The following KIDINS220 variants were observed in gnomAD, a reference collection of about 807,000 sequenced individuals.
KIDINS220 encodes the protein kinase D-interacting substrate of 220 kDa.
Under a neutral mutation model 157.6 loss-of-function variants are expected in KIDINS220, and 63 were observed. That is an observed-to-expected ratio of 0.40 (90% CI 0.33 to 0.49). The LOEUF (loss-of-function observed/expected upper bound fraction) is 0.49. Ranked by LOEUF, KIDINS220 falls within the 20% of genes least tolerant of loss-of-function variation. KIDINS220 has a pLI of 0.66. For missense variants in KIDINS220, 1,772 were observed against 2,171.2 expected (o/e 0.82, Z 3.65); for synonymous variants, 732 against 783.6 (o/e 0.93, Z 1.10).
At position 8,815,396 on chromosome 2, in the gene KIDINS220, C is replaced by CAA. The variant is rs70946387; in HGVS notation, c.307-2063_307-2062dup. Among the ~76,000 whole-genome samples, 249 of 116,614 alleles carry CAA rather than the reference C, an allele frequency of 2.1e-3. 2 individuals are homozygous for CAA. In the Middle Eastern group the frequency reaches 0.029, roughly 13 times the overall value. 76.5% of individuals were successfully genotyped at this position (116,614 alleles called of 152,430 possible). On this transcript the variant is annotated intron_variant, in intron 4 of 29. Coordinates refer to ENST00000256707, the MANE Select transcript of KIDINS220 (RefSeq NM_020738.4). ...AGCCTGGGTGACAGAGACCCTGTCT[C>CAA]AAAAAAAAAAAAAGAAAAAGAAAAA... is the stretch of plus-strand genomic sequence containing the variant.
rs190128321 is a variant in KIDINS220, at chr2:8,764,936, A to G, written c.3011+5734T>C. ...CAAATATTAAAGAAATAGCAATGCA[A>G]ATATGTATAAGAAGGTAACTATGGC... is the stretch of plus-strand genomic sequence containing the variant. On this transcript the variant is annotated intron_variant, in intron 22 of 29. Transcript: ENST00000256707. Among the ~76,000 whole-genome samples the G allele has an allele frequency of 3.7e-3, 570 of 152,348 alleles. 2 individuals carry two copies. The highest frequency in any genetic ancestry group is 0.01 in the Middle Eastern group (3 of 294).
chr2:8,749,544 T>A (rs1238631751), intron 24 of KIDINS220: 1 of 359,896 alleles, frequency 2.8e-6, no homozygotes, highest in Non-Finnish European at 5.5e-6. Context: ...TGGGAAATTA[T>A]CCTATTTATA....
At chr2:8,747,793 C>A in intron 25 of KIDINS220, 94 bp downstream of exon 25, 1 of 595,428 alleles carries the variant, frequency 1.7e-6, no homozygotes, top group Non-Finnish European at 2.7e-6. Context: ...AAATCAGTTG[C>A]ACTCTTTTAC....
intron 8 of KIDINS220, 82 bp downstream of exon 8, chr2:8,802,848 G>A: frequency 9.3e-7 from 1 of 1,072,266 alleles, no homozygotes; most frequent in Admixed American, 2.5e-5. Context: ...TCATGCATGA[G>A]AATCTTGAAA....
At position 8,728,957 on chromosome 2, in the gene KIDINS220, ATC is replaced by A; in HGVS notation, c.*1761_*1762del. ...CATGCAATTTTTTATTGTTTTCTAAATCTATTTGTACACTTAATATGCTAGTA... is the reference window on the plus strand; with the variant it reads ...CATGCAATTTTTTATTGTTTTCTAAATATTTGTACACTTAATATGCTAGTA... On this transcript the variant is annotated 3_prime_UTR_variant, in exon 30 of 30. Coordinates refer to ENST00000256707, the MANE Select transcript of KIDINS220 (RefSeq NM_020738.4). 1 of 978,576 alleles carries A rather than the reference ATC, an allele frequency of 1.0e-6. No individual in the cohort carries two copies. Among genetic ancestry groups the A allele is most frequent in the Non-Finnish European group, 1.2e-6 (1 of 823,210 alleles). 60.6% of individuals were successfully genotyped at this position (978,576 alleles called of 1,614,324 possible). A position where few individuals can be genotyped will look rare whatever the true frequency, so the allele number is the denominator to read the frequency against.
At chr2:8,811,901 G>A (rs950816139) in intron 6 of KIDINS220, among the ~76,000 whole-genome samples, 11 of 152,240 alleles carry the variant, frequency 7.2e-5, no homozygotes, top group East Asian at 1.9e-4. Flanking sequence ...GCCCTGGACC[G>A]TGGGTCATTC....
At chr2:8,801,945 T>C (rs778342368) in intron 8 of KIDINS220, among the ~76,000 whole-genome samples, 3 of 152,140 alleles carry the variant, frequency 2.0e-5, no homozygotes, top group Admixed American at 6.5e-5. Flanking sequence ...ATTAAGTAGT[T>C]GAAGACCTTC....
intron 1 of KIDINS220, among the ~76,000 whole-genome samples, chr2:8,834,206 A>G (rs905355467): frequency 5.9e-5 from 9 of 151,982 alleles, no homozygotes; most frequent in Admixed American, 2.6e-4. Context: ...GTCCTCCTGA[A>G]TCGTGTCTTC....
intron 22 of KIDINS220, among the ~76,000 whole-genome samples, chr2:8,765,971 G>A (rs970399445): frequency 1.3e-4 from 19 of 151,818 alleles, no homozygotes; most frequent in South Asian, 2.1e-4. Context: ...CCTTCCCACC[G>A]TGAGAGTCTC....
At chr2:8,826,837 T>G in intron 2 of KIDINS220, 149 bp downstream of exon 2, 1 of 387,306 alleles carries the variant, frequency 2.6e-6, no homozygotes, top group Non-Finnish European at 4.6e-6. Context: ...AAATTTGAAG[T>G]ACTTTTAACT....
chr2:8,759,561 T>C (rs1668480833), intron 22 of KIDINS220, among the ~76,000 whole-genome samples: 1 of 148,802 alleles, frequency 6.7e-6, no homozygotes, highest in African/African-American at 2.5e-5. Flanking sequence ...GCTTTAAGGC[T>C]GCAATTCTGG....
intron 14 of KIDINS220, among the ~76,000 whole-genome samples, chr2:8,789,249 A>T (rs1180582406): frequency 6.6e-6 from 1 of 151,802 alleles, no homozygotes; most frequent in Non-Finnish European, 1.5e-5. Context: ...GAGCATACCA[A>T]TGATGGCTTT....
At chr2:8,823,524 T>G (rs1266136550) in intron 2 of KIDINS220, among the ~76,000 whole-genome samples, 1 of 152,090 alleles carries the variant, frequency 6.6e-6, no homozygotes, top group Non-Finnish European at 1.5e-5. Flanking sequence ...AACTCCAATT[T>G]AAATTGATAC....
In KIDINS220 at chr2:8,791,332, G is replaced by A. The variant is rs1673152177; in HGVS notation, c.1277-108C>T. ...TAGAGAGAAAAAAATTATTTCAAATGTTTATACCCATGTAGGGACAGTTTC... is the reference window on the plus strand; with the variant it reads ...TAGAGAGAAAAAAATTATTTCAAATATTTATACCCATGTAGGGACAGTTTC... On this transcript the variant is annotated intron_variant, in intron 12 of 29. Coordinates refer to ENST00000256707, the MANE Select transcript of KIDINS220 (RefSeq NM_020738.4). 3.1e-6 allele frequency: 3 copies of A among 969,914 alleles called. No homozygotes were observed. The Admixed American group carries it at 7.5e-5, about 24-fold the overall frequency. The allele number at this position is 969,914 out of a possible 1,614,324, so 60.1% of individuals were successfully genotyped here.
chr2:8,776,702 T>G (rs1670999724), intron 21 of KIDINS220, 46 bp downstream of exon 21: 1 of 1,548,420 alleles, frequency 6.5e-7, no homozygotes, highest in African/African-American at 1.4e-5. Context: ...GTTTTGTGAA[T>G]GCTAAAGCTT....
chr2:8,740,352 C>T (rs1665458445), intron 26 of KIDINS220, among the ~76,000 whole-genome samples: 1 of 152,188 alleles, frequency 6.6e-6, no homozygotes, highest in Admixed American at 6.5e-5. Context: ...CACATGCATG[C>T]ACACACACCC....
Position 8,731,030 on chromosome 2 carries a change from G to A in KIDINS220, c.5006C>T (p.Ala1669Val). 1.2e-6 allele frequency: 2 copies of A among 1,614,224 alleles called. No homozygotes were observed. Among genetic ancestry groups the A allele is most frequent in the Non-Finnish European group, 1.7e-6 (2 of 1,180,034 alleles). The change falls in exon 30 of 30, where the codon GCA (alanine) becomes GTA (valine). Residue 1669 changes from alanine to valine, a missense_variant. By Grantham distance (64) the Ala-to-Val change is moderately conservative (BLOSUM62 0). Coordinates refer to ENST00000256707, the MANE Select transcript of KIDINS220 (RefSeq NM_020738.4). This position sits in a 1 kb window ranked among gnomAD's most constrained non-coding sequence, Gnocchi z 5.2. ...IASSPEENWP[A>V]CQKAYNLNRT... Reference sequence around the variant, plus strand: ...GTTCAGGTTGTAGGCTTTCTGGCATGCAGGCCAGTTTTCTTCAGGGCTGCT... The same window carrying A: ...GTTCAGGTTGTAGGCTTTCTGGCATACAGGCCAGTTTTCTTCAGGGCTGCT...
chr2:8,795,408 T>C (rs1050619920), intron 11 of KIDINS220, among the ~76,000 whole-genome samples: 1 of 152,228 alleles, frequency 6.6e-6, no homozygotes, highest in South Asian at 2.1e-4. Context: ...GGGAGGATAT[T>C]AGCATACTTT....
Position 8,817,687 on chromosome 2 carries a change from C to A in KIDINS220, c.237G>T (p.Ser79=), listed in dbSNP as rs181968246. The change falls in exon 4 of 30, where the codon TCG becomes TCT. Residue 79 remains serine, a synonymous_variant. Transcript: ENST00000256707. ...LDNWTALISA[S]KEGHVHIVEE... ...CTACGATGTGCACATGCCCTTCTTT[C>A]GATGCAGATATAAGTGCTGTCCAAT... 1.2e-6 allele frequency: 2 copies of A among 1,606,896 alleles called. No individual in the cohort carries two copies. The highest frequency in any genetic ancestry group is 1.7e-6 in the Non-Finnish European group (2 of 1,176,092).
Sources: gnomAD v4.1 joint callset for allele counts (sites outside exome capture counted in the v4.1 genomes callset) on GRCh38, gnomAD v4.1.1 for gene constraint, Gnocchi (gnomAD v3.1) non-coding constraint, MANE v1.5 for transcripts, NCBI Gene and HGNC (gene_info 2026-07-23, HGNC 2026-07-21) for gene names.